Variants in OTUD5 observed in about 807,000 individuals in gnomAD.
OTUD5 encodes the protein OTU domain-containing protein 5.
Under a neutral mutation model 36.3 loss-of-function variants are expected in OTUD5, and 2 were observed. The observed-to-expected ratio is 0.06, with a 90% CI of 0.02 to 0.17. OTUD5 has a LOEUF of 0.17. OTUD5 is among the 10% of genes least tolerant of loss of function. The pLI is 1.00. For synonymous variants in OTUD5, 234 were observed against 214.9 expected, an observed-to-expected ratio of 1.09 and a Z score of -0.78; for missense variants, 233 against 512.3, an observed-to-expected ratio of 0.45 and a Z score of 5.26.
In OTUD5 at chrX:48,951,209, A is replaced by G. The variant is rs375013034; in HGVS notation, c.594+5768T>C. Reference sequence around the variant, plus strand: ...ATGGACAGATGTCTTCCCAGAGCCTATGGTCAAAAGGTGTTTAGCATTCTG... The same window carrying G: ...ATGGACAGATGTCTTCCCAGAGCCTGTGGTCAAAAGGTGTTTAGCATTCTG... On this transcript the variant is annotated intron_variant, in intron 1 of 8. Transcript: ENST00000376488. Among the ~76,000 whole-genome samples the G allele has an allele frequency of 1.2e-4, 13 of 111,441 alleles. No homozygotes were observed. The East Asian group carries it at 3.1e-3, about 27-fold the overall frequency.
chrX:48,944,111 G>C (rs2063980897), intron 2 of OTUD5, 79 bp downstream of exon 2: 1 of 700,605 alleles, frequency 1.4e-6, no homozygotes. Flanking sequence ...CCTCAACCCT[G>C]TCTCAGGGGC....
chrX:48,958,174 C>CA, upstream of OTUD5: 1 of 113,489 alleles, frequency 8.8e-6, no homozygotes, highest in East Asian at 2.8e-4. Flanking sequence ...CCCTGGTTCC[C>CA]AGCCTTTCTC....
chrX:48,935,279 G>A (rs781897165), intron 2 of OTUD5, among the ~76,000 whole-genome samples: 2 of 111,769 alleles, frequency 1.8e-5, no homozygotes, highest in East Asian at 5.6e-4. Flanking sequence ...TTTGTCTAGG[G>A]TACACGTGGC....
At chrX:48,947,205 C>T (rs1184429498) in intron 1 of OTUD5, among the ~76,000 whole-genome samples, 1 of 110,580 alleles carries the variant, frequency 9.0e-6, no homozygotes, top group Non-Finnish European at 1.9e-5. Flanking sequence ...ATGGTAAAAC[C>T]TTGTTTCTAC....
chrX:48,951,862 C>T lies in OTUD5; in HGVS notation c.594+5115G>A, dbSNP rs188450386. Among the ~76,000 whole-genome samples, 148 of 111,488 alleles carry T rather than the reference C, an allele frequency of 1.3e-3. 3 individuals are homozygous for T. In the East Asian group the frequency reaches 0.041, roughly 31 times the overall value. Reference sequence around the variant, plus strand: ...TGAGGTCAGGAGTTCAGGAGACCAGCTTTGCCAACATGGTGAAACCCCATC... The same window carrying T: ...TGAGGTCAGGAGTTCAGGAGACCAGTTTTGCCAACATGGTGAAACCCCATC... On this transcript the variant is annotated intron_variant, in intron 1 of 8. Transcript: ENST00000376488.
intron 2 of OTUD5, chrX:48,939,985 T>TACA (rs2063894462): frequency 8.8e-6 from 1 of 114,096 alleles, no homozygotes; most frequent in Non-Finnish European, 1.9e-5. Context: ...CTAACGTGTG[T>TACA]ACACACAGCT....
At chrX:48,923,357 C>T (rs1557046783) in intron 8 of OTUD5, 62 bp from the exon 9 acceptor site, 1 of 920,686 alleles carries the variant, frequency 1.1e-6, no homozygotes, top group Non-Finnish European at 1.6e-6. Flanking sequence ...TTCTCCTCAC[C>T]CTGTGCCGAC....
chrX:48,957,515 T>C lies in OTUD5; in HGVS notation c.56A>G (p.Glu19Gly). ...GGGCATCGGCCCGGGCGGCGGCGGC[T>C]CGTTGGCGGGGTCGGCGTCGGGAGG... Reference protein sequence around the residue: ...PPPPDADPANEPPPPGPMPPA... With the variant: ...PPPPDADPANGPPPPGPMPPA... Residue 19 changes from glutamate (E) to glycine (G), a missense_variant, in exon 1 of 9, where the codon GAG becomes GGG. By Grantham distance (98) the Glu-to-Gly change is moderately conservative (BLOSUM62 -2). Around this residue, in one of 3 missense-constraint regions of OTUD5, gnomAD observed 155 missense variants for 217.2 expected, o/e 0.71. Coordinates refer to ENST00000376488, the MANE Select transcript of OTUD5 (RefSeq NM_001136157.2). The C allele has an allele frequency of 1.2e-6, 1 of 823,012 alleles. No homozygotes were observed. Among genetic ancestry groups the C allele is most frequent in the Non-Finnish European group, 1.5e-6 (1 of 676,201 alleles). The allele number at this position is 823,012 out of a possible 1,213,427, so 67.8% of individuals were successfully genotyped here. A position where few individuals can be genotyped will look rare whatever the true frequency, so the allele number is the denominator to read the frequency against.
intron 5 of OTUD5, among the ~76,000 whole-genome samples, chrX:48,933,276 G>A (rs1010415293): frequency 9.9e-5 from 11 of 111,254 alleles, no homozygotes; most frequent in African/African-American, 3.6e-4. Context: ...AAGGTCATTA[G>A]GGAAAAACTA....
At chrX:48,945,266 CTTTTTTTTTTTT>C (rs139382090) in intron 1 of OTUD5, among the ~76,000 whole-genome samples, 2 of 73,272 alleles carry the variant, frequency 2.7e-5, no homozygotes, top group Admixed American at 3.0e-4. Context: ...AAAATCAAGT[CTTTTTTTTTTTT>C]TTTTTTTTTT....
rs782365562 is a variant in OTUD5, at chrX:48,934,823, A to G, written c.798T>C (p.Phe266=). The G allele has an allele frequency of 1.7e-6, 2 of 1,210,943 alleles. No individual in the cohort carries two copies. The highest frequency in any genetic ancestry group is 2.2e-5 in the Admixed American group (1 of 46,076). ...DYFSNYVTED[F]TTYINRKRKN... ...TCCGCTTCCTGTTAATGTAGGTGGT[A>G]AAGTCCTCTGTGACATAGTTGGAGA... Residue 266 remains phenylalanine, a synonymous_variant, in exon 4 of 9, where the codon TTT becomes TTC. Transcript: ENST00000376488.
At chrX:48,942,844 C>G (rs950320788) in intron 2 of OTUD5, among the ~76,000 whole-genome samples, 3 of 110,430 alleles carry the variant, frequency 2.7e-5, no homozygotes, top group Non-Finnish European at 5.7e-5. Context: ...TTCATTAAAT[C>G]GTTACAGCAT....
rs191668728 is a variant in OTUD5, at chrX:48,945,227, T to C, written c.595-944A>G. 7.5e-5 allele frequency among the ~76,000 whole-genome samples: 8 copies of C among 106,854 alleles called. No individual in the cohort carries two copies. The East Asian group carries it at 2.3e-3, about 31-fold the overall frequency. 92.8% of individuals were successfully genotyped at this position (106,854 alleles called of 115,157 possible). On this transcript the variant is annotated intron_variant, in intron 1 of 8. Coordinates refer to ENST00000376488, the MANE Select transcript of OTUD5 (RefSeq NM_001136157.2). ...CGATTTTATTGCACTTTCCCTTTTATAAAGTTACACTAAACCCAAAAAGCT... is the reference window on the plus strand; with the variant it reads ...CGATTTTATTGCACTTTCCCTTTTACAAAGTTACACTAAACCCAAAAAGCT...
At chrX:48,951,155 G>A (rs1320440733) in intron 1 of OTUD5, among the ~76,000 whole-genome samples, 4 of 93,840 alleles carry the variant, frequency 4.3e-5, no homozygotes, top group East Asian at 7.8e-4. Flanking sequence ...GGGTGGGGGG[G>A]CAAAAGATGG....
At chrX:48,936,437 A>T (rs1393245460) in intron 2 of OTUD5, 1 of 111,493 alleles carries the variant, frequency 9.0e-6, no homozygotes, top group Non-Finnish European at 1.9e-5. Context: ...GCTGGAGTGC[A>T]GTGGCGCGAT....
chrX:48,939,046 A>G lies in OTUD5; in HGVS notation c.689-4028T>C, dbSNP rs782434368. 4.5e-5 allele frequency among the ~76,000 whole-genome samples: 5 copies of G among 111,855 alleles called. No homozygotes were observed. The South Asian group carries it at 1.8e-3, about 41-fold the overall frequency. ...ACAATACTACAATTGGTCCCACACC[A>G]AAGACTTTTCACACTCCAACTCATT... On this transcript the variant is annotated intron_variant, in intron 2 of 8. Transcript: ENST00000376488.
intron 1 of OTUD5, among the ~76,000 whole-genome samples, chrX:48,953,257 G>A (rs782206411): frequency 9.0e-6 from 1 of 111,228 alleles, no homozygotes; most frequent in Non-Finnish European, 1.9e-5. Flanking sequence ...TTACAACATG[G>A]CTGCCCACAA....
intron 1 of OTUD5, among the ~76,000 whole-genome samples, chrX:48,951,038 G>C (rs1240693404): frequency 9.1e-6 from 1 of 109,412 alleles, no homozygotes; most frequent in African/African-American, 3.3e-5. Context: ...CATCCTCCAG[G>C]GTGGGAGGTT....
At chrX:48,944,941 G>A (rs182736766) in intron 1 of OTUD5, among the ~76,000 whole-genome samples, 1 of 109,654 alleles carries the variant, frequency 9.1e-6, no homozygotes, top group African/African-American at 3.3e-5. Flanking sequence ...AGAATCGTTC[G>A]AACCCAGGAG....
Sources: gnomAD v4.1 joint callset for allele counts (sites outside exome capture counted in the v4.1 genomes callset) on GRCh38, gnomAD v4.1.1 for gene constraint, gnomAD v4.1.1 regional missense constraint, MANE v1.5 for transcripts, NCBI Gene and HGNC (gene_info 2026-07-23, HGNC 2026-07-21) for gene names.